Variants in ERGIC1 observed in about 807,000 individuals in gnomAD.
The protein encoded by ERGIC1 is endoplasmic reticulum-Golgi intermediate compartment protein 1.
Under a neutral mutation model 38.3 loss-of-function variants are expected in ERGIC1, and 19 were observed. The observed-to-expected ratio is 0.50, with a 90% confidence interval of 0.35 to 0.73. The LOEUF (loss-of-function observed/expected upper bound fraction) is 0.73, where lower values mean the gene tolerates loss of function less well. ERGIC1 is among the 30% of genes least tolerant of loss of function. ERGIC1 has a pLI of 0.01. For synonymous variants in ERGIC1, 124 were observed against 157.6 expected, an observed-to-expected ratio of 0.79 and a Z score of 1.60; for missense variants, 294 against 389.2, an observed-to-expected ratio of 0.76 and a Z score of 2.06.
chr5:172,866,523 C>T (rs910157642), intron 1 of ERGIC1, among the ~76,000 whole-genome samples: 1 of 152,246 alleles, frequency 6.6e-6, no homozygotes, highest in Non-Finnish European at 1.5e-5. Context: ...CACCCTGCAG[C>T]TGCGTCACAG....
At chr5:172,908,318 GAGAGAGGGGA>G (rs1561729651) in intron 3 of ERGIC1, among the ~76,000 whole-genome samples, 3 of 7,328 alleles carry the variant, frequency 4.1e-4, no homozygotes, top group African/African-American at 7.5e-4. Context: ...GGGGGGGGGG[GAGAGAGGGGA>G]GGGGGGGAGG....
intron 1 of ERGIC1, among the ~76,000 whole-genome samples, chr5:172,861,577 C>A (rs1043075511): frequency 6.6e-6 from 1 of 152,216 alleles, no homozygotes; most frequent in Non-Finnish European, 1.5e-5. Context: ...AAGCATCACA[C>A]TGATCTACTA....
intron 7 of ERGIC1, among the ~76,000 whole-genome samples, chr5:172,928,805 A>G (rs2113461778): frequency 6.6e-6 from 1 of 152,310 alleles, no homozygotes; most frequent in Non-Finnish European, 1.5e-5. Context: ...GTCTTGGGAA[A>G]GTCATTTAAC....
At chr5:172,869,871 T>C (rs1761958917) in intron 1 of ERGIC1, among the ~76,000 whole-genome samples, 1 of 152,200 alleles carries the variant, frequency 6.6e-6, no homozygotes, top group Non-Finnish European at 1.5e-5. Context: ...CCAGAAAGTG[T>C]AGAGCAAATA....
At chr5:172,847,115 C>T (rs147172537) in intron 1 of ERGIC1, among the ~76,000 whole-genome samples, 155 of 152,262 alleles carry the variant, frequency 1.0e-3, no homozygotes, top group Middle Eastern at 3.4e-3. Context: ...TGGGGTGCTC[C>T]GCTCCCCCTG....
At chr5:172,918,814 A>G (rs1025840687) in intron 5 of ERGIC1, among the ~76,000 whole-genome samples, 76 of 151,764 alleles carry the variant, frequency 5.0e-4, no homozygotes, top group African/African-American at 1.6e-3. Context: ...GGGCCTCCAT[A>G]CCCTCCCTCT....
intron 1 of ERGIC1, among the ~76,000 whole-genome samples, chr5:172,887,145 G>A (rs1047004366): frequency 2.0e-5 from 3 of 152,190 alleles, no homozygotes; most frequent in African/African-American, 4.8e-5. Flanking sequence ...CTTACGCAAG[G>A]TTTCCAAGGC....
At chr5:172,920,331 A>G in intron 5 of ERGIC1, 2 of 717,674 alleles carry the variant, frequency 2.8e-6, no homozygotes, top group Non-Finnish European at 2.6e-6. Context: ...TCAGGCTGAG[A>G]CTTGTCCCAT....
intron 1 of ERGIC1, among the ~76,000 whole-genome samples, chr5:172,884,496 C>G (rs1429934213): frequency 1.2e-4 from 18 of 152,116 alleles, no homozygotes; most frequent in Admixed American, 1.2e-3. Context: ...CTCAAGCGAT[C>G]CCCCCACCTG....
chr5:172,919,313 G>A (rs1763452705), intron 5 of ERGIC1, among the ~76,000 whole-genome samples: 2 of 152,178 alleles, frequency 1.3e-5, no homozygotes, highest in Admixed American at 6.5e-5. Flanking sequence ...CCTCCTCACT[G>A]TGGGCCCCCC....
intron 3 of ERGIC1, among the ~76,000 whole-genome samples, chr5:172,904,706 G>C (rs550958529): frequency 6.6e-6 from 1 of 152,248 alleles, no homozygotes; most frequent in Non-Finnish European, 1.5e-5. Flanking sequence ...CCCTGCCATG[G>C]GGTGGTTGTG....
chr5:172,909,777 A>G lies in ERGIC1; in HGVS notation c.250+16A>G, dbSNP rs776095861. ...CACTGCGAGTGTGAGTACTCCACGCAGCCCCTCCCTCCAGCAGGACACCTC... is the reference window on the plus strand; with the variant it reads ...CACTGCGAGTGTGAGTACTCCACGCGGCCCCTCCCTCCAGCAGGACACCTC... On this transcript the variant is annotated intron_variant, in intron 4 of 9. Transcript: ENST00000393784. 30 of 1,610,616 alleles carry G rather than the reference A, an allele frequency of 1.9e-5. No individual in the cohort carries two copies. Among genetic ancestry groups the G allele is most frequent in the Non-Finnish European group, 2.5e-5 (30 of 1,176,730 alleles).
At chr5:172,871,408 A>T (rs1253352393) in intron 1 of ERGIC1, among the ~76,000 whole-genome samples, 1 of 151,958 alleles carries the variant, frequency 6.6e-6, no homozygotes, top group South Asian at 2.1e-4. Flanking sequence ...CTTAATTCCG[A>T]TCTCCATTTG....
intron 2 of ERGIC1, among the ~76,000 whole-genome samples, chr5:172,894,131 A>T (rs1360009304): frequency 4.0e-4 from 12 of 30,024 alleles, no homozygotes; most frequent in African/African-American, 6.4e-4. Flanking sequence ...TGCTGATGAT[A>T]CTTTTTTTTT....
intron 5 of ERGIC1, among the ~76,000 whole-genome samples, chr5:172,920,000 C>G (rs1318393721): frequency 6.6e-6 from 1 of 152,212 alleles, no homozygotes; most frequent in Non-Finnish European, 1.5e-5. Flanking sequence ...GGTTAAGTGA[C>G]CTGGTCAAGG....
intron 1 of ERGIC1, among the ~76,000 whole-genome samples, chr5:172,842,971 C>T (rs1211407092): frequency 6.6e-6 from 1 of 152,052 alleles, no homozygotes; most frequent in African/African-American, 2.4e-5. Flanking sequence ...TGGAGAAACC[C>T]CATCTCTACT....
Position 172,914,854 on chromosome 5 carries a change from C to T in ERGIC1, c.375+16C>T, listed in dbSNP as rs375809597. 5 of 1,613,966 alleles carry T rather than the reference C, an allele frequency of 3.1e-6. No individual in the cohort carries two copies. Among genetic ancestry groups the T allele is most frequent in the Non-Finnish European group, 4.2e-6 (5 of 1,179,984 alleles). On this transcript the variant is annotated intron_variant, in intron 5 of 9. Coordinates refer to ENST00000393784, the MANE Select transcript of ERGIC1 (RefSeq NM_001031711.3). ...CATCAACAAGGTATGGAAGCCCTGC[C>T]TCAGCCCTTTCTACCTGCTCCCCTT...
chr5:172,949,653 G>GGT (rs1411467461), intron 9 of ERGIC1, among the ~76,000 whole-genome samples: 1 of 109,268 alleles, frequency 9.2e-6, no homozygotes, highest in African/African-American at 3.2e-5. Flanking sequence ...GTCACAGCGT[G>GGT]GCGGGGGGGG....
chr5:172,840,631 C>T (rs1049867132), intron 1 of ERGIC1, among the ~76,000 whole-genome samples: 8 of 152,124 alleles, frequency 5.3e-5, no homozygotes, highest in South Asian at 4.1e-4. Context: ...GTGGAGTTCC[C>T]GTCCCACCCA....
Sources: gnomAD v4.1 joint callset for allele counts (sites outside exome capture counted in the v4.1 genomes callset) on GRCh38, gnomAD v4.1.1 for gene constraint, MANE v1.5 for transcripts, NCBI Gene and HGNC (gene_info 2026-07-23, HGNC 2026-07-21) for gene names.